The following ATAD1 variants were observed in gnomAD, a reference collection of about 807,000 sequenced individuals.
ATAD1 encodes outer mitochondrial transmembrane helix translocase.
In ATAD1, 18 loss-of-function variants were observed where a neutral mutation model predicts 42.7. That is an observed-to-expected ratio of 0.42 (90% confidence interval 0.29 to 0.63). ATAD1 has a LOEUF of 0.63. ATAD1 is among the 20% of genes least tolerant of loss of function. The probability of loss-of-function intolerance (pLI) is 0.19; values close to 1 mark genes in which losing one functional copy is unlikely to be tolerated. For synonymous variants in ATAD1, 132 were observed against 143.1 expected (o/e 0.92, Z 0.55); for missense variants, 294 against 440.4 (o/e 0.67, Z 2.98).
intron 1 of ATAD1, among the ~76,000 whole-genome samples, chr10:87,833,800 T>C (rs1278855425): frequency 7.0e-6 from 1 of 142,546 alleles, no homozygotes; most frequent in Non-Finnish European, 1.5e-5. Flanking sequence ...TGATCTCAGC[T>C]CACTGCCACC....
At chr10:87,825,736 C>T in intron 1 of ATAD1, among the ~76,000 whole-genome samples, 1 of 151,914 alleles carries the variant, frequency 6.6e-6, no homozygotes, top group East Asian at 1.9e-4. Flanking sequence ...GGGTCTCGCT[C>T]TGTTGCCCAG....
chr10:87,809,263 T>C (rs1428128614), intron 2 of ATAD1, among the ~76,000 whole-genome samples: 1 of 152,168 alleles, frequency 6.6e-6, no homozygotes, highest in Non-Finnish European at 1.5e-5. Flanking sequence ...CAAACTGAAC[T>C]ACTAAAATAG....
chr10:87,825,494 A>G (rs1458002947), intron 1 of ATAD1, among the ~76,000 whole-genome samples: 1 of 151,956 alleles, frequency 6.6e-6, no homozygotes, highest in Non-Finnish European at 1.5e-5. Context: ...TATTTTTAGT[A>G]GAGACGGGGT....
intron 8 of ATAD1, 142 bp downstream of exon 8, chr10:87,767,531 T>C (rs904225936): frequency 4.2e-5 from 32 of 770,484 alleles, no homozygotes; most frequent in Middle Eastern, 3.2e-4. Context: ...TAACAGGCCA[T>C]AGACCAGTAC....
At chr10:87,785,542 G>T (rs1307314560) in intron 4 of ATAD1, among the ~76,000 whole-genome samples, 1 of 150,764 alleles carries the variant, frequency 6.6e-6, no homozygotes, top group African/African-American at 2.4e-5. Flanking sequence ...CAAAATATTT[G>T]TTTAATTCAA....
At chr10:87,789,509 T>C (rs1486065563) in intron 4 of ATAD1, among the ~76,000 whole-genome samples, 3 of 152,068 alleles carry the variant, frequency 2.0e-5, no homozygotes, top group Non-Finnish European at 4.4e-5. Context: ...GAACTTGAAC[T>C]CAGGAGTTCA....
chr10:87,836,115 TTTTTG>T (rs540972683), intron 1 of ATAD1, among the ~76,000 whole-genome samples: 2 of 152,108 alleles, frequency 1.3e-5, no homozygotes, highest in Admixed American at 6.5e-5. Flanking sequence ...TTATTCCTTG[TTTTTG>T]TTTTGTTTTG....
chr10:87,814,384 G>C, intron 2 of ATAD1, 54 bp downstream of exon 2: 1 of 1,480,124 alleles, frequency 6.8e-7, no homozygotes, highest in Non-Finnish European at 9.0e-7. Context: ...TTAGTTTGAG[G>C]GGAAAATACT....
rs1854052271 is a variant in ATAD1 at position 87,752,378 on chromosome 10, C to T, written c.*2309G>A. The T allele has an allele frequency of 6.6e-6, 1 of 152,156 alleles. No individual in the cohort carries two copies. Among genetic ancestry groups the T allele is most frequent in the Non-Finnish European group, 1.5e-5 (1 of 68,030 alleles). 9.4% of individuals were successfully genotyped at this position (152,156 alleles called of 1,614,324 possible). ...ATGAGCCTGGTCAACAGGAAATGTA[C>T]ATCAGTGTGCAAAAGTGACAATATT... On this transcript the variant is annotated 3_prime_UTR_variant, in exon 10 of 10. Transcript: ENST00000680024.
chr10:87,770,587 T>A (rs903879707), intron 7 of ATAD1, among the ~76,000 whole-genome samples: 1 of 152,188 alleles, frequency 6.6e-6, no homozygotes, highest in African/African-American at 2.4e-5. Context: ...GCCTTCTGAA[T>A]AGAACAATTC....
chr10:87,798,657 T>TGTGTGTG (rs1349200937), intron 2 of ATAD1, among the ~76,000 whole-genome samples: 2 of 150,018 alleles, frequency 1.3e-5, no homozygotes, highest in Middle Eastern at 3.5e-3. Flanking sequence ...TGTGTGTGTA[T>TGTGTGTG]TTAAAATGCC....
At chr10:87,824,360 G>C (rs1857687283) in intron 1 of ATAD1, among the ~76,000 whole-genome samples, 1 of 152,204 alleles carries the variant, frequency 6.6e-6, no homozygotes, top group Admixed American at 6.5e-5. Context: ...GGGGAGTCTT[G>C]GTATCTATAG....
intron 6 of ATAD1, among the ~76,000 whole-genome samples, chr10:87,774,783 T>C (rs1229598822): frequency 6.6e-6 from 1 of 152,028 alleles, no homozygotes; most frequent in East Asian, 1.9e-4. Context: ...AAACTCTGTC[T>C]CTACAAAAAA....
Position 87,818,158 on chromosome 10 carries a change from G to C in ATAD1, c.-14+9C>G, listed in dbSNP as rs1451300492. 2 of 985,532 alleles carry C rather than the reference G, an allele frequency of 2.0e-6. No individual in the cohort carries two copies. Among genetic ancestry groups the C allele is most frequent in the Non-Finnish European group, 2.4e-6 (2 of 830,092 alleles). 61.0% of individuals were successfully genotyped at this position (985,532 alleles called of 1,614,324 possible). A position where few individuals can be genotyped will look rare whatever the true frequency, so the allele number is the denominator to read the frequency against. On this transcript the variant is annotated intron_variant, in intron 1 of 9. Coordinates refer to ENST00000680024, the MANE Select transcript of ATAD1 (RefSeq NM_001321967.2). ...ATCCCATGAGGCCCCACGGGAACCA[G>C]CTACTCACCCAGGGGCAGAAACAGC...
chr10:87,806,956 C>A (rs1212240474), intron 2 of ATAD1, among the ~76,000 whole-genome samples: 2 of 152,120 alleles, frequency 1.3e-5, no homozygotes, highest in Admixed American at 6.6e-5. Context: ...TTTGCTGCCC[C>A]TAGAGACTCC....
In ATAD1 at chr10:87,754,094, A is replaced by T. The variant is rs1854118551; in HGVS notation, c.*593T>A. On this transcript the variant is annotated 3_prime_UTR_variant, in exon 10 of 10. Coordinates refer to ENST00000680024, the MANE Select transcript of ATAD1 (RefSeq NM_001321967.2). ...CCAACTAATAACTGCAGAAATAAAA[A>T]CACTCAACTTAAAAAAGGTTGAAAC... 1 of 152,608 alleles carries T rather than the reference A, an allele frequency of 6.6e-6. No individual in the cohort carries two copies. The highest frequency in any genetic ancestry group is 6.5e-5 in the Admixed American group (1 of 15,286). The allele number at this position is 152,608 out of a possible 1,614,324, so 9.5% of individuals were successfully genotyped here. A position where few individuals can be genotyped will look rare whatever the true frequency, so the allele number is the denominator to read the frequency against.
At chr10:87,788,874 T>G (rs1249210011) in intron 4 of ATAD1, among the ~76,000 whole-genome samples, 8 of 151,962 alleles carry the variant, frequency 5.3e-5, no homozygotes, top group Non-Finnish European at 1.0e-4. Context: ...TCATTCAAAG[T>G]TTTTTTTGCG....
intron 8 of ATAD1, among the ~76,000 whole-genome samples, chr10:87,766,052 A>G (rs1854729427): frequency 6.6e-6 from 1 of 151,486 alleles, no homozygotes; most frequent in South Asian, 2.1e-4. Flanking sequence ...AAGAAAAAAA[A>G]CAAAAACAAA....
chr10:87,799,309 G>A (rs1022454407), intron 2 of ATAD1, among the ~76,000 whole-genome samples: 6 of 152,136 alleles, frequency 3.9e-5, no homozygotes, highest in African/African-American at 7.2e-5. Context: ...CTTTGCTTGC[G>A]TAATTGTTAA....
Sources: gnomAD v4.1 joint callset for allele counts (sites outside exome capture counted in the v4.1 genomes callset) on GRCh38, gnomAD v4.1.1 for gene constraint, MANE v1.5 for transcripts, NCBI Gene and HGNC (gene_info 2026-07-23, HGNC 2026-07-21) for gene names.